MMP16: variants seen among roughly 807,000 people sequenced by gnomAD.
The protein encoded by MMP16 is matrix metallopeptidase 16.
A neutral mutation model predicts 67.8 loss-of-function variants in MMP16; 12 were observed. The ratio of observed to expected loss-of-function variants is 0.18; its 90% CI spans 0.11 to 0.29. The LOEUF (loss-of-function observed/expected upper bound fraction) is 0.29, where lower values mean the gene tolerates loss of function less well. Among genes scored for constraint, MMP16 ranks in the 10% least tolerant of loss-of-function variants. The pLI is 1.00. For missense variants in MMP16, 475 were observed against 765.7 expected (o/e 0.62, Z 4.48); for synonymous variants, 249 against 255.9 (o/e 0.97, Z 0.26).
intron 3 of MMP16, among the ~76,000 whole-genome samples, chr8:88,178,875 T>C (rs1808934591): frequency 6.6e-6 from 1 of 152,078 alleles, no homozygotes; most frequent in Admixed American, 6.5e-5. Context: ...GATAGGACAA[T>C]ATATTGTATC....
chr8:88,090,238 G>T (rs546271584), intron 6 of MMP16, among the ~76,000 whole-genome samples: 1 of 151,896 alleles, frequency 6.6e-6, no homozygotes, highest in Non-Finnish European at 1.5e-5. Context: ...TAAACATCAT[G>T]AATATAGATG....
chr8:88,309,264 ATTACAAG>A (rs956382630), intron 1 of MMP16, among the ~76,000 whole-genome samples: 2 of 152,104 alleles, frequency 1.3e-5, no homozygotes, highest in African/African-American at 4.8e-5. Context: ...GGTTAAATAA[ATTACAAG>A]TTACAAGTTA....
chr8:88,125,404 G>A (rs995233429), intron 4 of MMP16, among the ~76,000 whole-genome samples: 1 of 151,578 alleles, frequency 6.6e-6, no homozygotes, highest in African/African-American at 2.4e-5. Flanking sequence ...TAAAATATGA[G>A]GAAAACAAAT....
intron 1 of MMP16, among the ~76,000 whole-genome samples, chr8:88,283,786 A>T (rs897741606): frequency 7.9e-5 from 12 of 152,232 alleles, no homozygotes; most frequent in Non-Finnish European, 1.5e-5. Flanking sequence ...AAATTTACTC[A>T]TATTCCCATA....
intron 1 of MMP16, among the ~76,000 whole-genome samples, chr8:88,208,833 A>AAG (rs1809470004): frequency 7.0e-6 from 1 of 142,214 alleles, no homozygotes; most frequent in Non-Finnish European, 1.5e-5. Context: ...AAAAAAAAAA[A>AAG]GGAAGAAAAG....
intron 1 of MMP16, among the ~76,000 whole-genome samples, chr8:88,250,077 C>G (rs142579681): frequency 6.6e-6 from 1 of 152,060 alleles, no homozygotes; most frequent in South Asian, 2.1e-4. Flanking sequence ...TCTTTCCTGA[C>G]CACCAGAAAT....
At chr8:88,088,944 G>A (rs950301651) in intron 6 of MMP16, among the ~76,000 whole-genome samples, 1 of 152,048 alleles carries the variant, frequency 6.6e-6, no homozygotes, top group Non-Finnish European at 1.5e-5. Flanking sequence ...AAATAAGTCA[G>A]TAAGTTTCCT....
chr8:88,046,060 AG>A (rs1472872262), intron 9 of MMP16, among the ~76,000 whole-genome samples: 1 of 152,198 alleles, frequency 6.6e-6, no homozygotes, highest in Non-Finnish European at 1.5e-5. Context: ...GCCAACAGAT[AG>A]GGGAGTATGG....
chr8:88,090,885 T>C (rs903253533), intron 6 of MMP16, among the ~76,000 whole-genome samples: 2 of 151,810 alleles, frequency 1.3e-5, no homozygotes, highest in Non-Finnish European at 2.9e-5. Flanking sequence ...CTCATGAATA[T>C]AAGCATATAT....
intron 6 of MMP16, among the ~76,000 whole-genome samples, 163 bp from the exon 7 acceptor site, chr8:88,074,906 A>G (rs1808621920): frequency 6.6e-6 from 1 of 152,192 alleles, no homozygotes; most frequent in African/African-American, 2.4e-5. Flanking sequence ...AATGATCACA[A>G]AAATTTTTGT....
intron 1 of MMP16, among the ~76,000 whole-genome samples, chr8:88,293,401 C>G (rs893196613): frequency 3.3e-5 from 5 of 152,004 alleles, no homozygotes; most frequent in Non-Finnish European, 5.9e-5. Context: ...GTAAGTGGGC[C>G]TCTATCTAAT....
intron 1 of MMP16, among the ~76,000 whole-genome samples, chr8:88,256,413 C>T (rs1406613949): frequency 6.6e-6 from 1 of 151,962 alleles, no homozygotes; most frequent in African/African-American, 2.4e-5. Flanking sequence ...TTAAATGATC[C>T]AAATATGTGG....
chr8:88,054,162 G>A (rs572261552), intron 8 of MMP16, among the ~76,000 whole-genome samples: 2 of 152,148 alleles, frequency 1.3e-5, no homozygotes, highest in South Asian at 4.2e-4. Flanking sequence ...ATAATGAAAT[G>A]GGCATTTTTA....
intron 6 of MMP16, among the ~76,000 whole-genome samples, chr8:88,101,277 C>G (rs1809139903): frequency 1.3e-5 from 2 of 151,784 alleles, no homozygotes; most frequent in Admixed American, 1.3e-4. Context: ...GTCCTCAATA[C>G]AGATTCATAA....
intron 4 of MMP16, among the ~76,000 whole-genome samples, chr8:88,128,719 A>G (rs1202519753): frequency 6.6e-6 from 1 of 151,774 alleles, no homozygotes; most frequent in African/African-American, 2.4e-5. Context: ...AAGATCTTCT[A>G]ATCACATTGA....
At chr8:88,106,719 G>C (rs1178011714) in intron 6 of MMP16, among the ~76,000 whole-genome samples, 1 of 151,116 alleles carries the variant, frequency 6.6e-6, no homozygotes, top group African/African-American at 2.4e-5. Context: ...AAGTATGTAT[G>C]AGTTACTTAT....
chr8:88,078,029 C>T (rs551503294), intron 6 of MMP16, among the ~76,000 whole-genome samples: 4 of 152,124 alleles, frequency 2.6e-5, no homozygotes, highest in South Asian at 2.1e-4. Context: ...TTGCCTCAAG[C>T]TTCTTACCTC....
intron 6 of MMP16, among the ~76,000 whole-genome samples, chr8:88,081,943 TGACC>T: frequency 6.6e-6 from 1 of 152,076 alleles, no homozygotes; most frequent in African/African-American, 2.4e-5. Flanking sequence ...ACATTGGTTG[TGACC>T]AATAAATTTG....
At chr8:88,246,245 T>C (rs1368107202) in intron 1 of MMP16, among the ~76,000 whole-genome samples, 5 of 152,182 alleles carry the variant, frequency 3.3e-5, no homozygotes, top group African/African-American at 1.2e-4. Flanking sequence ...TTATTATTCA[T>C]TTAGATGACT....
Sources: allele counts gnomAD v4.1 joint callset (sites outside exome capture counted in the v4.1 genomes callset), GRCh38; gene constraint gnomAD v4.1.1; transcripts MANE v1.5; gene names NCBI Gene and HGNC (gene_info 2026-07-23, HGNC 2026-07-21).